KCND3: variants seen among roughly 807,000 people sequenced by gnomAD.
The protein encoded by KCND3 is potassium voltage-gated channel subfamily D member 3, also known as A-type voltage-gated potassium channel KCND3.
In KCND3, 9 loss-of-function variants were observed where a neutral mutation model predicts 51.1. The observed-to-expected ratio is 0.18, with a 90% confidence interval of 0.11 to 0.31. The LOEUF (loss-of-function observed/expected upper bound fraction) is 0.31. Among genes scored for constraint, KCND3 ranks in the 10% least tolerant of loss-of-function variants. The pLI is 1.00. For missense variants in KCND3, 526 were observed against 903.8 expected (o/e 0.58, Z 5.36); for synonymous variants, 349 against 368.0 (o/e 0.95, Z 0.59).
intron 2 of KCND3, among the ~76,000 whole-genome samples, chr1:111,790,650 G>T (rs148311507): frequency 7.5e-4 from 114 of 152,194 alleles, no homozygotes; most frequent in African/African-American, 2.6e-3. Flanking sequence ...AGAGAGTTGC[G>T]CTCACATCAC....
chr1:111,868,558 G>A (rs1668688655), intron 2 of KCND3, among the ~76,000 whole-genome samples: 3 of 152,088 alleles, frequency 2.0e-5, no homozygotes, highest in South Asian at 4.1e-4. Flanking sequence ...TGGGCATGGG[G>A]GGGACTACCA....
chr1:111,793,208 C>T (rs1664914589), intron 2 of KCND3, among the ~76,000 whole-genome samples: 1 of 149,510 alleles, frequency 6.7e-6, no homozygotes, highest in Non-Finnish European at 1.5e-5. Flanking sequence ...CAGAGTCTCG[C>T]TCTGTTTTCC....
intron 2 of KCND3, chr1:111,854,045 T>C (rs1328736837): frequency 6.6e-6 from 1 of 152,216 alleles, no homozygotes; most frequent in Non-Finnish European, 1.5e-5. Flanking sequence ...GAAGGTTTTT[T>C]GAGCCTGAAA....
chr1:111,965,448 ACACACACAC>A (rs1557752835), intron 2 of KCND3, among the ~76,000 whole-genome samples: 8 of 135,554 alleles, frequency 5.9e-5, no homozygotes, highest in Non-Finnish European at 1.1e-4. Context: ...CCACACACAC[ACACACACAC>A]ACACACACAC....
rs200428945 is a variant in KCND3, at chr1:111,981,872, G to C, written c.855C>G (p.Ala285=). The part of the protein sequence containing the change: ...VMTNNEDVSG[A]FVTLRVFRVF... ...CGCGGAAGACCCGGAGCGTGACGAAGGCGCCGGACACGTCCTCGTTGTTGG... is the reference window on the plus strand; with the variant it reads ...CGCGGAAGACCCGGAGCGTGACGAACGCGCCGGACACGTCCTCGTTGTTGG... Residue 285 remains alanine, a synonymous_variant, in exon 2 of 8, where the codon GCC becomes GCG. Coordinates refer to ENST00000302127, the MANE Select transcript of KCND3 (RefSeq NM_001378969.1). The surrounding 1 kb of genome is among the most constrained non-coding windows in gnomAD (Gnocchi z 6.2). 8 of 1,614,076 alleles carry C rather than the reference G, an allele frequency of 5.0e-6. No individual in the cohort carries two copies. The highest frequency in any genetic ancestry group is 1.3e-5 in the African/African-American group (1 of 75,000).
intron 1 of KCND3, among the ~76,000 whole-genome samples, chr1:111,983,334 A>C (rs1043404436): frequency 6.6e-6 from 1 of 152,150 alleles, no homozygotes; most frequent in African/African-American, 2.4e-5. Flanking sequence ...GGGCTGCCCA[A>C]GTCCAGAAAA....
intron 1 of KCND3, among the ~76,000 whole-genome samples, chr1:111,988,209 C>G (rs967542541): frequency 6.6e-6 from 1 of 152,104 alleles, no homozygotes; most frequent in East Asian, 1.9e-4. Context: ...GCCCATGACC[C>G]GGAGGGCTTC....
At chr1:111,886,508 C>T (rs1203351312) in intron 2 of KCND3, among the ~76,000 whole-genome samples, 3 of 152,128 alleles carry the variant, frequency 2.0e-5, no homozygotes, top group Non-Finnish European at 4.4e-5. Context: ...TTGTCCTGTG[C>T]GAGGAGGGTT....
intron 2 of KCND3, among the ~76,000 whole-genome samples, chr1:111,814,488 G>A (rs142024793): frequency 2.0e-5 from 3 of 152,344 alleles, no homozygotes; most frequent in Admixed American, 1.3e-4. Context: ...GAACTGTGTC[G>A]ACATAACTTA....
chr1:111,944,408 T>C (rs1672679209), intron 2 of KCND3, among the ~76,000 whole-genome samples: 1 of 152,214 alleles, frequency 6.6e-6, no homozygotes, highest in Non-Finnish European at 1.5e-5. Context: ...GACAGCAGCT[T>C]AGCAGGACCC....
chr1:111,893,100 TGACAGAA>T (rs1669921698), intron 2 of KCND3, among the ~76,000 whole-genome samples: 1 of 152,194 alleles, frequency 6.6e-6, no homozygotes, highest in South Asian at 2.1e-4. Flanking sequence ...AGGAAGATGG[TGACAGAA>T]GACCATCCCC....
intron 2 of KCND3, among the ~76,000 whole-genome samples, chr1:111,860,781 C>G (rs1557983784): frequency 6.6e-6 from 1 of 152,228 alleles, no homozygotes; most frequent in Non-Finnish European, 1.5e-5. Flanking sequence ...ACACTGCCTC[C>G]TCCATTTAGT....
chr1:111,776,286 A>G lies in KCND3; in HGVS notation c.1767-8T>C. On this transcript the variant is annotated splice_polypyrimidine_tract_variant and splice_region_variant and intron_variant, in intron 7 of 7. Transcript: ENST00000302127. ...AAATTAAGGCTGGAGCGACTGGGAT[A>G]GAAAAGAGTGAGTTGATGATGGTTC... 1.9e-6 allele frequency: 3 copies of G among 1,613,048 alleles called. No individual in the cohort carries two copies. Among genetic ancestry groups the G allele is most frequent in the Non-Finnish European group, 2.5e-6 (3 of 1,179,478 alleles).
chr1:111,920,287 G>C (rs1671417095), intron 2 of KCND3, among the ~76,000 whole-genome samples: 1 of 152,166 alleles, frequency 6.6e-6, no homozygotes, highest in Non-Finnish European at 1.5e-5. Flanking sequence ...CCTGACCTGG[G>C]GGAGGAGAGG....
At chr1:111,813,495 GA>G (rs1223695465) in intron 2 of KCND3, among the ~76,000 whole-genome samples, 1 of 152,226 alleles carries the variant, frequency 6.6e-6, no homozygotes, top group Non-Finnish European at 1.5e-5. Context: ...ACATGTGGAA[GA>G]TGATAATATT....
intron 2 of KCND3, among the ~76,000 whole-genome samples, chr1:111,806,286 G>A (rs544032233): frequency 2.6e-5 from 4 of 152,334 alleles, no homozygotes; most frequent in East Asian, 1.9e-4. Context: ...CTGTTGATGC[G>A]GAAGCCCTGC....
intron 2 of KCND3, among the ~76,000 whole-genome samples, chr1:111,901,321 C>G (rs931420115): frequency 6.6e-6 from 1 of 152,204 alleles, no homozygotes; most frequent in Non-Finnish European, 1.5e-5. Context: ...AGATCCCATG[C>G]AAGCTACAAA....
chr1:111,810,796 ATT>A (rs1170746177), intron 2 of KCND3, among the ~76,000 whole-genome samples: 2 of 152,138 alleles, frequency 1.3e-5, no homozygotes, highest in Admixed American at 1.3e-4. Flanking sequence ...ACTTGGCTAT[ATT>A]TTTTTTCCAG....
At position 111,963,172 on chromosome 1, in the gene KCND3, C is replaced by G. The variant is rs185399245; in HGVS notation, c.1106+18449G>C. 3.2e-3 allele frequency among the ~76,000 whole-genome samples: 494 copies of G among 152,328 alleles called. 1 individual carries two copies. The highest frequency in any genetic ancestry group is 5.3e-3 in the Non-Finnish European group (359 of 68,034). On this transcript the variant is annotated intron_variant, in intron 2 of 7. Coordinates refer to ENST00000302127, the MANE Select transcript of KCND3 (RefSeq NM_001378969.1). ...GAACTGCCGAGACAACTCAACCCCC[C>G]ACCATACAGAATCATGAGATGTAAT... is the stretch of plus-strand genomic sequence containing the variant.
Sources: gnomAD v4.1 joint callset for allele counts (sites outside exome capture counted in the v4.1 genomes callset) on GRCh38, gnomAD v4.1.1 for gene constraint, Gnocchi (gnomAD v3.1) non-coding constraint, MANE v1.5 for transcripts, NCBI Gene and HGNC (gene_info 2026-07-23, HGNC 2026-07-21) for gene names.